The following KCTD15 variants were observed in gnomAD, a reference collection of about 807,000 sequenced individuals.
The protein encoded by KCTD15 is BTB/POZ domain-containing protein KCTD15.
In KCTD15, 11 loss-of-function variants were observed where a neutral mutation model predicts 27.2. The ratio of observed to expected loss-of-function variants is 0.41; its 90% CI spans 0.25 to 0.67. The LOEUF (loss-of-function observed/expected upper bound fraction) is 0.67. Among genes scored for constraint, KCTD15 ranks in the 30% least tolerant of loss-of-function variants. The pLI is 0.35. For missense variants in KCTD15, 350 were observed against 409.3 expected (o/e 0.86, Z 1.25); for synonymous variants, 163 against 176.0 (o/e 0.93, Z 0.58).
In KCTD15 at chr19:33,800,572, C is replaced by T. The variant is rs758464229; in HGVS notation, c.66+52C>T. ...CTGCCGGGAGTTCCCTCTTTCCCTT[C>T]TTCCCCAGTGCCTGTTTACTGGCTG... is the stretch of plus-strand genomic sequence containing the variant. On this transcript the variant is annotated intron_variant, in intron 3 of 6. Coordinates refer to ENST00000683859, the MANE Select transcript of KCTD15 (RefSeq NM_001129994.2). 4.7e-6 allele frequency: 7 copies of T among 1,494,320 alleles called. No individual in the cohort carries two copies. In the South Asian group the frequency reaches 8.4e-5, roughly 18 times the overall value. The allele number at this position is 1,494,320 out of a possible 1,614,324, so 92.6% of individuals were successfully genotyped here. A position where few individuals can be genotyped will look rare whatever the true frequency, so the allele number is the denominator to read the frequency against.
chr19:33,806,299 G>A (rs1975709569), intron 4 of KCTD15, among the ~76,000 whole-genome samples: 1 of 152,202 alleles, frequency 6.6e-6, no homozygotes, highest in Non-Finnish European at 1.5e-5. Context: ...GGATGTGTCT[G>A]GATCTGCATG....
chr19:33,809,709 G>A lies in KCTD15; in HGVS notation c.388-1538G>A, dbSNP rs528376930. ...CTTGTGTCTACAAATAATTATTATT[G>A]TTATTATTATTATTATCCTGGCATG... On this transcript the variant is annotated intron_variant, in intron 5 of 6. Transcript: ENST00000683859. 5.7e-4 allele frequency among the ~76,000 whole-genome samples: 86 copies of A among 151,938 alleles called. 1 individual carries two copies. The South Asian group carries it at 0.016, about 29-fold the overall frequency.
At chr19:33,811,575 TCCCCGCCGCAC>T (rs759911091) in intron 6 of KCTD15, 23 bp downstream of exon 6, 13 of 1,560,190 alleles carry the variant, frequency 8.3e-6, no homozygotes, top group Non-Finnish European at 6.1e-6. Context: ...CGCTGCCCCC[TCCCCGCCGCAC>T]CCCCGGCGTC....
intron 3 of KCTD15, 74 bp from the exon 4 acceptor site, chr19:33,801,093 G>T: frequency 7.3e-6 from 10 of 1,371,712 alleles, no homozygotes; most frequent in Non-Finnish European, 9.0e-6. Flanking sequence ...TAAAGGGAGT[G>T]CATGGCTGTG....
chr19:33,803,239 A>G (rs1975614482), intron 4 of KCTD15, among the ~76,000 whole-genome samples: 1 of 152,108 alleles, frequency 6.6e-6, no homozygotes, highest in African/African-American at 2.4e-5. Context: ...CTGCAGGACA[A>G]TCAGGGGACA....
At chr19:33,796,709 CGGCGGCGGCGGA>C (rs1173138965), upstream of KCTD15, 3 of 140,958 alleles carry the variant, frequency 2.1e-5, no homozygotes, top group Non-Finnish European at 3.1e-5. Context: ...GAGGAGGAGG[CGGCGGCGGCGGA>C]GGCGGCGGCC....
Position 33,802,158 on chromosome 19 carries a change from C to T in KCTD15, c.242+816C>T, listed in dbSNP as rs1030442434. Reference sequence around the variant, plus strand: ...CGTTGGCACGGCAGCAGGGCTGACCCGAGTAGGGTGGGTCTTGAGCAGCTT... The same window carrying T: ...CGTTGGCACGGCAGCAGGGCTGACCTGAGTAGGGTGGGTCTTGAGCAGCTT... On this transcript the variant is annotated intron_variant, in intron 4 of 6. Coordinates refer to ENST00000683859, the MANE Select transcript of KCTD15 (RefSeq NM_001129994.2). 9.2e-5 allele frequency among the ~76,000 whole-genome samples: 14 copies of T among 152,276 alleles called. No individual in the cohort carries two copies. In the South Asian group the frequency reaches 1.0e-3, roughly 11 times the overall value.
At chr19:33,801,098 G>C in intron 3 of KCTD15, 69 bp from the exon 4 acceptor site, 1 of 1,423,532 alleles carries the variant, frequency 7.0e-7, no homozygotes, top group Non-Finnish European at 9.6e-7. Context: ...GGAGTGCATG[G>C]CTGTGTTGTG....
Position 33,813,949 on chromosome 19 carries a change from T to C in KCTD15, c.*1001T>C, listed in dbSNP as rs1484847293. The C allele has an allele frequency of 1.3e-5, 2 of 153,310 alleles. No individual in the cohort carries two copies. Among genetic ancestry groups the C allele is most frequent in the Non-Finnish European group, 2.9e-5 (2 of 68,614 alleles). The allele number at this position is 153,310 out of a possible 1,614,324, so 9.5% of individuals were successfully genotyped here. On this transcript the variant is annotated 3_prime_UTR_variant, in exon 7 of 7. Transcript: ENST00000683859. ...AGGCAGACCTGGCGCTCTTGACCCC[T>C]GATTCCAGTGAGGACTGGCCCTGAG...
chr19:33,797,494 G>C (rs994876561), intron 1 of KCTD15: 1 of 406,972 alleles, frequency 2.5e-6, no homozygotes, highest in Non-Finnish European at 5.1e-6. Flanking sequence ...CCACGAGTCC[G>C]AAACCTGGCA....
In KCTD15 at chr19:33,806,377, C is replaced by T. The variant is rs532009374; in HGVS notation, c.243-486C>T. On this transcript the variant is annotated intron_variant, in intron 4 of 6. Coordinates refer to ENST00000683859, the MANE Select transcript of KCTD15 (RefSeq NM_001129994.2). ...CTGTTGCACAGGCCTGTGTGTCTCA[C>T]ACTCGTTTACATGGGTTGGGTGGGG... Among the ~76,000 whole-genome samples, 97 of 152,298 alleles carry T rather than the reference C, an allele frequency of 6.4e-4. 1 individual carries two copies. Among genetic ancestry groups the T allele is most frequent in the South Asian group, 4.1e-3 (20 of 4,826 alleles).
chr19:33,807,426 GA>G (rs1404284648), intron 5 of KCTD15, among the ~76,000 whole-genome samples: 2 of 151,758 alleles, frequency 1.3e-5, no homozygotes, highest in African/African-American at 4.8e-5. Flanking sequence ...CATCTCTACT[GA>G]AAATGCAAAA....
At chr19:33,798,876 G>T (rs1178351540) in intron 2 of KCTD15, 110 bp downstream of exon 2, 1 of 152,366 alleles carries the variant, frequency 6.6e-6, no homozygotes, top group African/African-American at 2.4e-5. Flanking sequence ...CGTCACTTTG[G>T]AATAGTGTCC....
At chr19:33,811,098 A>G in intron 5 of KCTD15, 149 bp from the exon 6 acceptor site, 4 of 679,716 alleles carry the variant, frequency 5.9e-6, no homozygotes, top group Admixed American at 3.0e-5. Flanking sequence ...CATCTGTACA[A>G]TGGGTGCAAC....
chr19:33,797,339 G>C lies in KCTD15; in HGVS notation c.-127+352G>C, dbSNP rs984263927. 5.5e-4 allele frequency: 247 copies of C among 445,404 alleles called. 1 individual carries two copies. Among genetic ancestry groups the C allele is most frequent in the Non-Finnish European group, 8.5e-4 (187 of 221,110 alleles). 27.6% of individuals were successfully genotyped at this position (445,404 alleles called of 1,614,324 possible). On this transcript the variant is annotated intron_variant, in intron 1 of 6. Coordinates refer to ENST00000683859, the MANE Select transcript of KCTD15 (RefSeq NM_001129994.2). The stretch of plus-strand genomic sequence containing the variant: ...CCCCGCACTCTGGCCCCTGTTCTGG[G>C]CCGAGCGCCCTGCAGAGCTGGCGAG...
At chr19:33,797,036 C>G (rs1024110219) in intron 1 of KCTD15, 49 bp downstream of exon 1, 4 of 154,160 alleles carry the variant, frequency 2.6e-5, no homozygotes, top group Admixed American at 1.3e-4. Context: ...AACCCTGCCC[C>G]GAAGTGGCTG....
chr19:33,809,266 G>C (rs1419451645), intron 5 of KCTD15, among the ~76,000 whole-genome samples: 1 of 152,128 alleles, frequency 6.6e-6, no homozygotes, highest in Non-Finnish European at 1.5e-5. Flanking sequence ...AACAGAGCAA[G>C]GTTTCATAAG....
In KCTD15 at chr19:33,815,208, G is replaced by A. The variant is rs1976056498; in HGVS notation, c.*2260G>A. The stretch of plus-strand genomic sequence containing the variant: ...AAATAAAATTTATTAATAAAGAAGG[G>A]GAAAAAGGAGTAACTCTACCTGACT... On this transcript the variant is annotated 3_prime_UTR_variant, in exon 7 of 7. Coordinates refer to ENST00000683859, the MANE Select transcript of KCTD15 (RefSeq NM_001129994.2). 6.6e-6 allele frequency: 1 copy of A among 151,832 alleles called. No homozygotes were observed. Among genetic ancestry groups the A allele is most frequent in the Non-Finnish European group, 1.5e-5 (1 of 67,954 alleles). 9.4% of individuals were successfully genotyped at this position (151,832 alleles called of 1,614,324 possible).
chr19:33,811,910 T>C (rs1323948233), intron 6 of KCTD15: 1 of 1,566,306 alleles, frequency 6.4e-7, no homozygotes, highest in Non-Finnish European at 8.6e-7. Flanking sequence ...AGAGGCTGAG[T>C]GGAAAGGTGG....
Sources: allele counts gnomAD v4.1 joint callset (sites outside exome capture counted in the v4.1 genomes callset), GRCh38; gene constraint gnomAD v4.1.1; transcripts MANE v1.5; gene names NCBI Gene and HGNC (gene_info 2026-07-23, HGNC 2026-07-21).